WIPF2: variants seen among roughly 807,000 people sequenced by gnomAD.
The protein encoded by WIPF2 is WAS/WASL-interacting protein family member 2.
Under a neutral mutation model 38.8 loss-of-function variants are expected in WIPF2, and 23 were observed. That is an observed-to-expected ratio of 0.59 (90% confidence interval 0.43 to 0.84). The LOEUF (loss-of-function observed/expected upper bound fraction) is 0.84. WIPF2 is among the 40% of genes least tolerant of loss of function. The pLI is 0.00. For missense variants in WIPF2, 574 were observed against 580.5 expected, an observed-to-expected ratio of 0.99 and a Z score of 0.11; for synonymous variants, 210 against 223.2, an observed-to-expected ratio of 0.94 and a Z score of 0.53.
intron 7 of WIPF2, 92 bp downstream of exon 7, chr17:40,277,276 C>A: frequency 9.1e-7 from 1 of 1,101,614 alleles, no homozygotes; most frequent in Non-Finnish European, 1.3e-6. Context: ...TCGCTGGGCA[C>A]AGTGGCTCAT....
intron 1 of WIPF2, among the ~76,000 whole-genome samples, chr17:40,231,573 G>A (rs906119565): frequency 2.6e-5 from 4 of 151,860 alleles, no homozygotes; most frequent in African/African-American, 7.3e-5. Flanking sequence ...ACAGGTGCCC[G>A]CCACCACGCC....
intron 1 of WIPF2, among the ~76,000 whole-genome samples, chr17:40,227,947 TTAA>T (rs1282147167): frequency 6.6e-6 from 1 of 151,786 alleles, no homozygotes; most frequent in Non-Finnish European, 1.5e-5. Context: ...TGTTGTTGTT[TTAA>T]TAAATGTAGC....
chr17:40,236,965 G>A (rs1020984728), intron 1 of WIPF2, among the ~76,000 whole-genome samples: 4 of 151,964 alleles, frequency 2.6e-5, no homozygotes, highest in Non-Finnish European at 2.9e-5. Context: ...GAAGACTTTA[G>A]GATCTTGCCT....
chr17:40,223,406 C>T (rs1292175383), intron 1 of WIPF2, among the ~76,000 whole-genome samples: 1 of 151,874 alleles, frequency 6.6e-6, no homozygotes, highest in South Asian at 2.1e-4. Context: ...TTTACCCTAG[C>T]TGGTACTGAT....
intron 1 of WIPF2, among the ~76,000 whole-genome samples, chr17:40,247,063 G>A (rs572126154): frequency 6.6e-6 from 1 of 151,716 alleles, no homozygotes; most frequent in African/African-American, 2.4e-5. Context: ...GCAGTGAGCC[G>A]AGATCGTGCC....
At chr17:40,247,770 C>A (rs541291957) in intron 1 of WIPF2, among the ~76,000 whole-genome samples, 2 of 152,066 alleles carry the variant, frequency 1.3e-5, no homozygotes, top group Non-Finnish European at 2.9e-5. Context: ...AGTCCACCCC[C>A]CTTGGCCTCT....
intron 1 of WIPF2, among the ~76,000 whole-genome samples, chr17:40,226,242 C>T (rs1191356331): frequency 6.8e-6 from 1 of 146,164 alleles, no homozygotes; most frequent in Admixed American, 7.0e-5. Flanking sequence ...CTCGTTCTGT[C>T]GGCCAGTCTG....
In WIPF2 at chr17:40,240,514, G is replaced by GT. The variant is rs797018773; in HGVS notation, c.-69-15865dup. On this transcript the variant is annotated intron_variant, in intron 1 of 7. Coordinates refer to ENST00000323571, the MANE Select transcript of WIPF2 (RefSeq NM_133264.5). The stretch of plus-strand genomic sequence containing the variant: ...TTGCTTCTTCCCACTGCAGTGTTTT[G>GT]TTTTTTTTTTTTACTTTTGTGAAGT... 5.3e-3 allele frequency among the ~76,000 whole-genome samples: 743 copies of GT among 140,546 alleles called. 2 individuals are homozygous for GT. The highest frequency in any genetic ancestry group is 0.012 in the African/African-American group (454 of 38,672). The allele number at this position is 140,546 out of a possible 152,430, so 92.2% of individuals were successfully genotyped here.
At chr17:40,262,205 C>T (rs1258233122) in intron 3 of WIPF2, among the ~76,000 whole-genome samples, 3 of 151,762 alleles carry the variant, frequency 2.0e-5, no homozygotes, top group African/African-American at 7.3e-5. Flanking sequence ...CTCAGCCTCC[C>T]GAGTAGCTGG....
chr17:40,247,973 C>G (rs1027506966), intron 1 of WIPF2, among the ~76,000 whole-genome samples: 1 of 151,946 alleles, frequency 6.6e-6, no homozygotes, highest in Admixed American at 6.6e-5. Context: ...TCATTTGTTG[C>G]AATTGTCTTT....
chr17:40,230,631 G>C (rs2030700987), intron 1 of WIPF2, among the ~76,000 whole-genome samples: 1 of 152,048 alleles, frequency 6.6e-6, no homozygotes, highest in African/African-American at 2.4e-5. Context: ...GGCTTATTGG[G>C]GAACAATTTT....
intron 1 of WIPF2, among the ~76,000 whole-genome samples, chr17:40,238,651 C>T (rs980700469): frequency 6.6e-6 from 1 of 151,130 alleles, no homozygotes; most frequent in Non-Finnish European, 1.5e-5. Flanking sequence ...CTCACTCTGT[C>T]GTCCAGGCTG....
intron 4 of WIPF2, 32 bp downstream of exon 4, chr17:40,262,673 C>T (rs757986483): frequency 6.3e-7 from 1 of 1,577,528 alleles, no homozygotes; most frequent in East Asian, 2.2e-5. Flanking sequence ...AGGGTATTTC[C>T]CTGGTGTGTT....
At chr17:40,235,137 C>T (rs918789154) in intron 1 of WIPF2, among the ~76,000 whole-genome samples, 4 of 151,830 alleles carry the variant, frequency 2.6e-5, no homozygotes, top group Admixed American at 6.6e-5. Flanking sequence ...CCAGGATGGC[C>T]GCCCGCCTCG....
intron 7 of WIPF2, among the ~76,000 whole-genome samples, 183 bp downstream of exon 7, chr17:40,277,367 T>C (rs1462033782): frequency 6.6e-6 from 1 of 152,102 alleles, no homozygotes; most frequent in Non-Finnish European, 1.5e-5. Flanking sequence ...ACCAACATAA[T>C]GAAACCCTGT....
At chr17:40,222,659 T>G (rs1486073742) in intron 1 of WIPF2, among the ~76,000 whole-genome samples, 11 of 72,748 alleles carry the variant, frequency 1.5e-4, no homozygotes, top group Non-Finnish European at 1.7e-4. Context: ...ATTCAGTTTT[T>G]TTTTTTTTTT....
chr17:40,239,177 T>C (rs961215399), intron 1 of WIPF2, among the ~76,000 whole-genome samples: 12 of 151,800 alleles, frequency 7.9e-5, no homozygotes, highest in Non-Finnish European at 1.6e-4. Flanking sequence ...GTTCACGCCA[T>C]TCTCCTGCCT....
intron 1 of WIPF2, among the ~76,000 whole-genome samples, chr17:40,240,362 T>C (rs1376337406): frequency 6.6e-6 from 1 of 151,930 alleles, no homozygotes; most frequent in Non-Finnish European, 1.5e-5. Context: ...ACCGTGCCAG[T>C]CCCAGACTTT....
intron 1 of WIPF2, among the ~76,000 whole-genome samples, chr17:40,249,615 G>A (rs946798449): frequency 3.3e-5 from 5 of 151,598 alleles, no homozygotes; most frequent in African/African-American, 7.3e-5. Context: ...CACCATGCCC[G>A]GCTAATTTTG....
Sources: allele counts gnomAD v4.1 joint callset (sites outside exome capture counted in the v4.1 genomes callset), GRCh38; gene constraint gnomAD v4.1.1; transcripts MANE v1.5; gene names NCBI Gene and HGNC (gene_info 2026-07-23, HGNC 2026-07-21).